The following FRK variants were observed in gnomAD, a reference collection of about 807,000 sequenced individuals.
FRK encodes fyn related Src family tyrosine kinase, also known as tyrosine-protein kinase FRK.
A neutral mutation model predicts 56.4 loss-of-function variants in FRK; 51 were observed. That is an observed-to-expected ratio of 0.90 (90% CI 0.72 to 1.14). FRK has a LOEUF of 1.14. FRK is among the 50% of genes most tolerant of loss of function. FRK has a pLI of 0.00. For synonymous variants in FRK, 245 were observed against 217.9 expected (o/e 1.12, Z -1.10); for missense variants, 570 against 601.4 (o/e 0.95, Z 0.55).
At chr6:116,077,941 C>T in the FRK span, among the ~76,000 whole-genome samples, 3 of 152,190 alleles carry the variant, frequency 2.0e-5, no homozygotes, top group Admixed American at 6.5e-5. Context: ...AGGCAGATCA[C>T]GTGAGGTCAG....
upstream of FRK, among the ~76,000 whole-genome samples, chr6:116,062,194 A>G (rs1283256860): frequency 1.3e-5 from 2 of 152,110 alleles, no homozygotes; most frequent in African/African-American, 4.8e-5. Flanking sequence ...TACAAATAAC[A>G]AGTTGACAGA....
At chr6:115,982,693 C>G (rs561208090) in intron 2 of FRK, among the ~76,000 whole-genome samples, 1 of 152,194 alleles carries the variant, frequency 6.6e-6, no homozygotes, top group Non-Finnish European at 1.5e-5. Flanking sequence ...CCTAGAAAAA[C>G]AGCTCAAAGT....
intron 1 of FRK, among the ~76,000 whole-genome samples, chr6:116,020,879 A>C (rs1332238537): frequency 6.6e-6 from 1 of 152,126 alleles, no homozygotes; most frequent in East Asian, 1.9e-4. Flanking sequence ...AGCTGCAACA[A>C]TTATAATTTT....
At chr6:116,039,580 T>C in intron 1 of FRK, 1 of 813,820 alleles carries the variant, frequency 1.2e-6, no homozygotes, top group South Asian at 1.3e-5. Flanking sequence ...CCTGCACATG[T>C]TTCTGATGGT....
intron 1 of FRK, among the ~76,000 whole-genome samples, chr6:116,040,148 T>C (rs1776659881): frequency 6.6e-6 from 1 of 152,170 alleles, no homozygotes; most frequent in Non-Finnish European, 1.5e-5. Flanking sequence ...TCTGTTTTAA[T>C]GTCTTTCTTA....
At chr6:116,034,758 C>G (rs1433174320) in intron 1 of FRK, among the ~76,000 whole-genome samples, 1 of 152,054 alleles carries the variant, frequency 6.6e-6, no homozygotes, top group Non-Finnish European at 1.5e-5. Flanking sequence ...AAGTTTTACC[C>G]TGGATACTTG....
intron 1 of FRK, among the ~76,000 whole-genome samples, chr6:116,005,179 TCC>T (rs1200674717): frequency 6.6e-6 from 1 of 152,164 alleles, no homozygotes; most frequent in Non-Finnish European, 1.5e-5. Flanking sequence ...GTTTATCATT[TCC>T]CCAATTATCA....
At chr6:116,032,860 T>C (rs1457442122) in intron 1 of FRK, among the ~76,000 whole-genome samples, 1 of 152,066 alleles carries the variant, frequency 6.6e-6, no homozygotes, top group Non-Finnish European at 1.5e-5. Context: ...TTAAAAAAAT[T>C]CTTCTTTGCA....
At position 116,060,098 on chromosome 6, in the gene FRK, G is replaced by A; in HGVS notation, c.214C>T (p.Leu72=). Residue 72 remains leucine, a synonymous_variant, in exon 1 of 8, where the codon CTG becomes TTG. Coordinates refer to ENST00000606080, the MANE Select transcript of FRK (RefSeq NM_002031.3). ...SFRAGDKLQV[L]DTLHEGWWFA... is the part of the protein sequence containing the mutation. ...CACCAGCCCTCATGCAAAGTGTCCA[G>A]AACTTGAAGTTTGTCACCTGCTCGG... 6.2e-7 allele frequency: 1 copy of A among 1,614,152 alleles called. No individual in the cohort carries two copies. Among genetic ancestry groups the A allele is most frequent in the Non-Finnish European group, 8.5e-7 (1 of 1,180,024 alleles).
intron 4 of FRK, among the ~76,000 whole-genome samples, chr6:115,965,511 A>C (rs1717565479): frequency 2.2e-4 from 1 of 4,634 alleles, no homozygotes; most frequent in Non-Finnish European, 5.5e-4. Flanking sequence ...AGGGATCTAG[A>C]ACTAGAAATA....
intron 1 of FRK, among the ~76,000 whole-genome samples, chr6:116,004,884 A>G (rs1375926520): frequency 1.3e-5 from 2 of 152,226 alleles, no homozygotes; most frequent in African/African-American, 4.8e-5. Flanking sequence ...AAAAATGGTC[A>G]TCATCATTAA....
chr6:116,046,126 TAA>T (rs1776948121), intron 1 of FRK, among the ~76,000 whole-genome samples: 1 of 152,136 alleles, frequency 6.6e-6, no homozygotes, highest in African/African-American at 2.4e-5. Context: ...TGGTGATCAT[TAA>T]AAAGTCAGGA....
At chr6:116,022,464 CAACCAAA>C (rs1266163727) in intron 1 of FRK, among the ~76,000 whole-genome samples, 98 of 152,168 alleles carry the variant, frequency 6.4e-4, no homozygotes, top group Non-Finnish European at 7.9e-4. Flanking sequence ...AAATATATCA[CAACCAAA>C]TGGGATTTAT....
At chr6:116,010,752 T>TG (rs1018354124) in intron 1 of FRK, among the ~76,000 whole-genome samples, 2 of 152,220 alleles carry the variant, frequency 1.3e-5, no homozygotes, top group Non-Finnish European at 2.9e-5. Flanking sequence ...TTAAGAAGAA[T>TG]GCTGCATGTA....
chr6:115,977,749 T>C (rs894654888), intron 2 of FRK, among the ~76,000 whole-genome samples: 6 of 152,126 alleles, frequency 3.9e-5, no homozygotes, highest in Non-Finnish European at 7.4e-5. Context: ...AACCATACAT[T>C]GGTTCAAATG....
chr6:116,031,565 T>A (rs1776305273), intron 1 of FRK, among the ~76,000 whole-genome samples: 1 of 152,016 alleles, frequency 6.6e-6, no homozygotes, highest in African/African-American at 2.4e-5. Flanking sequence ...TACTTTTAAT[T>A]TATGTTCCAA....
rs980092969 is a variant in FRK, at chr6:115,933,962, A to C, written c.*8452T>G. 6.6e-6 allele frequency: 1 copy of C among 152,134 alleles called. No individual in the cohort carries two copies. Among genetic ancestry groups the C allele is most frequent in the Non-Finnish European group, 1.5e-5 (1 of 68,018 alleles). 9.4% of individuals were successfully genotyped at this position (152,134 alleles called of 1,614,324 possible). On this transcript the variant is annotated 3_prime_UTR_variant, in exon 8 of 8. Transcript: ENST00000606080. ...TGACCCATTTAATTTCAAGGTCATC[A>C]GGAAAGTTTGGGTATATATGCACAC...
Position 115,942,194 on chromosome 6 carries a change from C to A in FRK, c.*220G>T. The A allele has an allele frequency of 4.6e-6, 2 of 432,006 alleles. No individual in the cohort carries two copies. The highest frequency in any genetic ancestry group is 4.2e-6 in the Non-Finnish European group (1 of 239,010). The allele number at this position is 432,006 out of a possible 1,614,324, so 26.8% of individuals were successfully genotyped here. A position where few individuals can be genotyped will look rare whatever the true frequency, so the allele number is the denominator to read the frequency against. On this transcript the variant is annotated 3_prime_UTR_variant, in exon 8 of 8. Transcript: ENST00000606080. ...CTTGGTTTAGTGTGCTTAATTTTAC[C>A]AGGCAGTGAGGAAATTATATATCAC...
intron 1 of FRK, among the ~76,000 whole-genome samples, chr6:116,034,932 T>C (rs1279592483): frequency 1.3e-5 from 2 of 152,042 alleles, no homozygotes; most frequent in Non-Finnish European, 2.9e-5. Flanking sequence ...GGATGGAAAT[T>C]GGGTGGGAAG....
Sources: gnomAD v4.1 joint callset for allele counts (sites outside exome capture counted in the v4.1 genomes callset) on GRCh38, gnomAD v4.1.1 for gene constraint, MANE v1.5 for transcripts, NCBI Gene and HGNC (gene_info 2026-07-23, HGNC 2026-07-21) for gene names.